Variants in MAF observed in about 807,000 individuals in gnomAD.
MAF encodes MAF bZIP transcription factor, also known as transcription factor Maf.
In MAF, 10 loss-of-function variants were observed where a neutral mutation model predicts 22.0. The ratio of observed to expected loss-of-function variants is 0.45; its 90% CI spans 0.28 to 0.77. The LOEUF is 0.77. Among genes scored for constraint, MAF ranks in the 30% least tolerant of loss-of-function variants. The pLI is 0.12. For missense variants in MAF, 544 were observed against 548.4 expected, an observed-to-expected ratio of 0.99 and a Z score of 0.08; for synonymous variants, 337 against 255.8, an observed-to-expected ratio of 1.32 and a Z score of -3.03.
the MAF span, among the ~76,000 whole-genome samples, chr16:79,433,657 T>C: frequency 6.6e-6 from 1 of 151,824 alleles, no homozygotes. Context: ...CGGGAGGGAG[T>C]GCTCAAACTT....
At chr16:79,319,958 A>G in the MAF span, among the ~76,000 whole-genome samples, 1 of 152,186 alleles carries the variant, frequency 6.6e-6, no homozygotes, top group Admixed American at 6.5e-5. Flanking sequence ...CTTTGAGAAG[A>G]TATTTAAAAT....
the MAF span, among the ~76,000 whole-genome samples, chr16:79,467,088 T>C: frequency 6.6e-6 from 1 of 152,228 alleles, no homozygotes; most frequent in Non-Finnish European, 1.5e-5. Flanking sequence ...CACCCCTGTT[T>C]AAAACATTAT....
At chr16:79,398,793 C>T in the MAF span, among the ~76,000 whole-genome samples, 1 of 152,158 alleles carries the variant, frequency 6.6e-6, no homozygotes, top group Non-Finnish European at 1.5e-5. Context: ...TCATTTTTTG[C>T]ACTTCTCCTA....
chr16:79,360,643 A>G, the MAF span, among the ~76,000 whole-genome samples: 3 of 152,214 alleles, frequency 2.0e-5, no homozygotes, highest in East Asian at 5.8e-4. Flanking sequence ...AGCCAAGAGC[A>G]TGAGGGTCAA....
the MAF span, among the ~76,000 whole-genome samples, chr16:79,276,856 G>A: frequency 0.087 from 13,310 of 152,122 alleles, 597 homozygotes; most frequent in Non-Finnish European, 0.1. Context: ...GGTGTCGGCA[G>A]GGCTGCGCTT....
At chr16:79,483,490 G>A in the MAF span, among the ~76,000 whole-genome samples, 2 of 151,294 alleles carry the variant, frequency 1.3e-5, no homozygotes, top group South Asian at 2.1e-4. Context: ...CGGAGGGGAA[G>A]CAATGTTAAA....
At chr16:79,326,549 G>A in the MAF span, among the ~76,000 whole-genome samples, 1 of 152,166 alleles carries the variant, frequency 6.6e-6, no homozygotes, top group Non-Finnish European at 1.5e-5. Context: ...CCCTAAATTA[G>A]TTTTAGAGAC....
chr16:79,531,059 T>C, the MAF span, among the ~76,000 whole-genome samples: 1 of 152,228 alleles, frequency 6.6e-6, no homozygotes, highest in Non-Finnish European at 1.5e-5. Context: ...ATATCCGGCC[T>C]TATCAGCTAT....
At chr16:79,253,814 G>A in the MAF span, among the ~76,000 whole-genome samples, 1 of 152,028 alleles carries the variant, frequency 6.6e-6, no homozygotes, top group Non-Finnish European at 1.5e-5. Flanking sequence ...TCTGAGGCTC[G>A]TTTTAGTTAT....
At chr16:79,595,162 GAACAC>G in intron 1 of MAF, 1 of 1,030,660 alleles carries the variant, frequency 9.7e-7, no homozygotes, top group Non-Finnish European at 1.2e-6. Context: ...CTGAAGTCAA[GAACAC>G]TTGACTTCAA....
chr16:79,597,799 G>GT, intron 1 of MAF: 1 of 959,204 alleles, frequency 1.0e-6, no homozygotes, highest in Non-Finnish European at 1.2e-6. Flanking sequence ...CAGCATGCAG[G>GT]CTTTTTTTTT....
chr16:79,439,253 CT>C, the MAF span, among the ~76,000 whole-genome samples: 1 of 144,906 alleles, frequency 6.9e-6, no homozygotes, highest in African/African-American at 2.6e-5. Flanking sequence ...GGGGTAGGTA[CT>C]TACTTTTTTT....
the MAF span, among the ~76,000 whole-genome samples, chr16:79,316,783 AC>A: frequency 6.6e-6 from 1 of 152,088 alleles, no homozygotes; most frequent in South Asian, 2.1e-4. Flanking sequence ...CCATGGAAGG[AC>A]CCAAACTAAT....
the MAF span, among the ~76,000 whole-genome samples, chr16:79,577,358 C>G: frequency 1.3e-5 from 2 of 152,128 alleles, no homozygotes; most frequent in Admixed American, 1.3e-4. Flanking sequence ...ATCAACTGGT[C>G]GAGATAGTGT....
At chr16:79,525,905 A>T in the MAF span, among the ~76,000 whole-genome samples, 1 of 152,236 alleles carries the variant, frequency 6.6e-6, no homozygotes, top group Non-Finnish European at 1.5e-5. Flanking sequence ...TCCCTGCTCT[A>T]TAAGTCAAAG....
the MAF span, among the ~76,000 whole-genome samples, chr16:79,350,203 T>C: frequency 3.9e-5 from 6 of 152,210 alleles, no homozygotes; most frequent in Admixed American, 2.0e-4. Flanking sequence ...ATGGACTCTA[T>C]GGACCTAAAC....
chr16:79,364,198 G>A, the MAF span, among the ~76,000 whole-genome samples: 1 of 152,194 alleles, frequency 6.6e-6, no homozygotes, highest in South Asian at 2.1e-4. Flanking sequence ...GTTAAGCATA[G>A]TAATCACTGT....
At chr16:79,477,526 A>G in the MAF span, among the ~76,000 whole-genome samples, 11 of 152,194 alleles carry the variant, frequency 7.2e-5, no homozygotes, top group Non-Finnish European at 1.3e-4. Flanking sequence ...CTAAGTATTT[A>G]CTGAGTTTGT....
At chr16:79,282,636 A>G in the MAF span, among the ~76,000 whole-genome samples, 109,686 of 152,070 alleles carry the variant, frequency 0.72, 40,224 homozygotes, top group Non-Finnish European at 0.77. Flanking sequence ...GACCTTTTAG[A>G]TTAGGAAGGT....
Sources: gnomAD v4.1 joint callset for allele counts (sites outside exome capture counted in the v4.1 genomes callset) on GRCh38, gnomAD v4.1.1 for gene constraint, MANE v1.5 for transcripts, NCBI Gene and HGNC (gene_info 2026-07-23, HGNC 2026-07-21) for gene names.